PCBP3: variants seen among roughly 807,000 people sequenced by gnomAD.
PCBP3 encodes poly(rC) binding protein 3.
In PCBP3, 25 loss-of-function variants were observed where a neutral mutation model predicts 52.7. That is an observed-to-expected ratio of 0.47 (90% CI 0.35 to 0.66). The LOEUF (loss-of-function observed/expected upper bound fraction) is 0.66. Among genes scored for constraint, PCBP3 ranks in the 30% least tolerant of loss-of-function variants. PCBP3 has a pLI of 0.01. For missense variants in PCBP3, 391 were observed against 490.3 expected (o/e 0.80, Z 1.91); for synonymous variants, 162 against 183.0 (o/e 0.89, Z 0.93).
intron 4 of PCBP3, among the ~76,000 whole-genome samples, chr21:45,766,044 A>C (rs2089285440): frequency 6.6e-6 from 1 of 152,162 alleles, no homozygotes; most frequent in Non-Finnish European, 1.5e-5. Flanking sequence ...TTAAAGCAGC[A>C]TTTTCTCCCA....
rs2085981029 is a variant in PCBP3, at chr21:45,737,599, C to T, written c.-162+2170C>T. Among the ~76,000 whole-genome samples, 1 of 152,226 alleles carries T rather than the reference C, an allele frequency of 6.6e-6. No individual in the cohort carries two copies. The highest frequency in any genetic ancestry group is 6.5e-5 in the Admixed American group (1 of 15,288). ...TGCAAGCCATGCCCCGGCAGCCAGG[C>T]TGAGAGGCAGAGCAAGCAGTGCAGG... On this transcript the variant is annotated intron_variant, in intron 3 of 17. Coordinates refer to ENST00000681687, the MANE Select transcript of PCBP3 (RefSeq NM_001384156.1). The surrounding 1 kb of genome is among the most constrained non-coding windows in gnomAD (Gnocchi z 4.9).
chr21:45,764,029 T>G (rs2089001456), intron 4 of PCBP3, among the ~76,000 whole-genome samples: 2 of 152,360 alleles, frequency 1.3e-5, no homozygotes, highest in South Asian at 4.1e-4. Flanking sequence ...ATAGCTTTAT[T>G]ATTTGTGAGT....
chr21:45,784,921 C>T (rs991775782), intron 4 of PCBP3, among the ~76,000 whole-genome samples: 2 of 151,836 alleles, frequency 1.3e-5, no homozygotes, highest in Non-Finnish European at 2.9e-5. Context: ...CCTGGCCGCC[C>T]ATCGTCTGGG....
intron 2 of PCBP3, among the ~76,000 whole-genome samples, chr21:45,731,030 A>G (rs536924210): frequency 6.6e-5 from 10 of 152,282 alleles, no homozygotes; most frequent in South Asian, 6.2e-4. Context: ...TAATGTGATT[A>G]TTGATATGGT....
At chr21:45,921,392 A>G (rs1051885583) in intron 13 of PCBP3, among the ~76,000 whole-genome samples, 4 of 152,236 alleles carry the variant, frequency 2.6e-5, no homozygotes, top group Non-Finnish European at 5.9e-5. Flanking sequence ...AAGAAACATC[A>G]AGCATAAGAA....
chr21:45,849,684 T>C (rs915616635), intron 4 of PCBP3, among the ~76,000 whole-genome samples: 4 of 151,000 alleles, frequency 2.6e-5, no homozygotes, highest in East Asian at 2.0e-4. Flanking sequence ...CGTAAGTAAG[T>C]GCAATTTTAT....
chr21:45,909,072 C>G (rs1360875678), intron 9 of PCBP3, among the ~76,000 whole-genome samples: 4 of 152,122 alleles, frequency 2.6e-5, no homozygotes, highest in Non-Finnish European at 5.9e-5. Flanking sequence ...TGTCCACACC[C>G]CCTTCCCACC....
In PCBP3 at chr21:45,656,523, A is replaced by G. The variant is rs2080029094; in HGVS notation, c.-278-12351A>G. Among the ~76,000 whole-genome samples the G allele has an allele frequency of 6.6e-6, 1 of 152,178 alleles. No individual in the cohort carries two copies. The highest frequency in any genetic ancestry group is 2.4e-5 in the African/African-American group (1 of 41,438). The stretch of plus-strand genomic sequence containing the variant: ...GGGGGCCTAGGGGAGGGATAGCATT[A>G]GGAGAACTACCTAATGTAGATGACG... On this transcript the variant is annotated intron_variant, in intron 1 of 17. Coordinates refer to ENST00000681687, the MANE Select transcript of PCBP3 (RefSeq NM_001384156.1). The surrounding 1 kb of genome is among the most constrained non-coding windows in gnomAD (Gnocchi z 4.3).
chr21:45,807,948 AG>A (rs1183127854), intron 4 of PCBP3, among the ~76,000 whole-genome samples: 1 of 152,232 alleles, frequency 6.6e-6, no homozygotes, highest in Non-Finnish European at 1.5e-5. Context: ...CAGTGGGGAA[AG>A]GATTCCCTAT....
chr21:45,738,462 G>A (rs920407358), intron 3 of PCBP3, among the ~76,000 whole-genome samples: 7 of 151,906 alleles, frequency 4.6e-5, no homozygotes, highest in African/African-American at 1.5e-4. Context: ...CACCGTGTTC[G>A]CCAGGATGGT....
intron 2 of PCBP3, among the ~76,000 whole-genome samples, chr21:45,734,603 C>T (rs933439383): frequency 2.0e-5 from 3 of 151,374 alleles, no homozygotes; most frequent in Non-Finnish European, 2.9e-5. Flanking sequence ...TTCCAACTCC[C>T]CTGGCCTTGC....
chr21:45,894,123 T>C (rs1369334218), intron 5 of PCBP3: 2 of 737,330 alleles, frequency 2.7e-6, no homozygotes, highest in African/African-American at 1.9e-5. Context: ...GTAGGTCCTC[T>C]GGGGCTCTGG....
At chr21:45,718,115 A>T (rs2084350737) in intron 2 of PCBP3, among the ~76,000 whole-genome samples, 1 of 150,548 alleles carries the variant, frequency 6.6e-6, no homozygotes, top group South Asian at 2.1e-4. Flanking sequence ...AAAATTGTTT[A>T]TAGTATTTTC....
rs190605287 is a variant in PCBP3 at position 45,868,858 on chromosome 21, C to T, written c.10+18763C>T. Reference sequence around the variant, plus strand: ...GCCCCTGTGGTACTGACAGGAGCCCCGCAGGACGTGGGGTTGGCTTTGGGC... The same window carrying T: ...GCCCCTGTGGTACTGACAGGAGCCCTGCAGGACGTGGGGTTGGCTTTGGGC... On this transcript the variant is annotated intron_variant, in intron 5 of 17. Transcript: ENST00000681687. Among the ~76,000 whole-genome samples the T allele has an allele frequency of 8.5e-5, 13 of 152,298 alleles. No individual in the cohort carries two copies. The East Asian group carries it at 1.4e-3, about 16-fold the overall frequency.
intron 4 of PCBP3, among the ~76,000 whole-genome samples, chr21:45,778,468 CT>C (rs1390872441): frequency 1.1e-4 from 16 of 152,100 alleles, no homozygotes; most frequent in Non-Finnish European, 2.2e-4. Context: ...TCTTGCGCCC[CT>C]GGGAAACTGG....
intron 5 of PCBP3, among the ~76,000 whole-genome samples, chr21:45,861,153 T>C (rs964774819): frequency 1.3e-5 from 2 of 152,156 alleles, no homozygotes; most frequent in African/African-American, 4.8e-5. Flanking sequence ...CCTCCATGCC[T>C]TCTCACCTCT....
At chr21:45,731,590 C>T (rs750303593) in intron 2 of PCBP3, among the ~76,000 whole-genome samples, 4 of 152,230 alleles carry the variant, frequency 2.6e-5, no homozygotes, top group Non-Finnish European at 4.4e-5. Flanking sequence ...TAAACAACAA[C>T]TCAAGATGCA....
intron 4 of PCBP3, among the ~76,000 whole-genome samples, chr21:45,771,432 G>T (rs1434276862): frequency 6.6e-6 from 1 of 152,198 alleles, no homozygotes; most frequent in African/African-American, 2.4e-5. Flanking sequence ...AAAAGTAAAT[G>T]TAAGCTTTGA....
chr21:45,766,776 T>C (rs1157393667), intron 4 of PCBP3, among the ~76,000 whole-genome samples: 1 of 152,238 alleles, frequency 6.6e-6, no homozygotes, highest in Non-Finnish European at 1.5e-5. Context: ...CTGCCAGGAC[T>C]CTGCCTATCC....
Sources: allele counts gnomAD v4.1 joint callset (sites outside exome capture counted in the v4.1 genomes callset), GRCh38; gene constraint gnomAD v4.1.1; non-coding constraint Gnocchi (gnomAD v3.1); transcripts MANE v1.5; gene names NCBI Gene and HGNC (gene_info 2026-07-23, HGNC 2026-07-21).